Variants in EPM2A observed in about 807,000 individuals in gnomAD.
EPM2A encodes EPM2A glucan phosphatase, laforin.
A neutral mutation model predicts 26.5 loss-of-function variants in EPM2A; 21 were observed. The ratio of observed to expected loss-of-function variants is 0.79; its 90% confidence interval spans 0.56 to 1.14. The LOEUF is 1.14. Among genes scored for constraint, EPM2A ranks in the 50% most tolerant of loss-of-function variants. EPM2A has a pLI of 0.00. For synonymous variants in EPM2A, 217 were observed against 177.6 expected, an observed-to-expected ratio of 1.22 and a Z score of -1.76; for missense variants, 458 against 440.8, an observed-to-expected ratio of 1.04 and a Z score of -0.35.
chr6:145,647,455 T>C, intron 2 of EPM2A, among the ~76,000 whole-genome samples: 1 of 152,236 alleles, frequency 6.6e-6, no homozygotes, highest in Non-Finnish European at 1.5e-5. Flanking sequence ...TGTGTTCCCA[T>C]GGCATCTTAT....
At chr6:145,403,305 C>T (rs1279233822) in intron 4 of EPM2A, among the ~76,000 whole-genome samples, 4 of 151,996 alleles carry the variant, frequency 2.6e-5, no homozygotes, top group East Asian at 1.9e-4. Context: ...TATAGTCAAC[C>T]TATTGTGCTA....
chr6:145,431,300 G>T (rs1562331876), intron 4 of EPM2A, among the ~76,000 whole-genome samples: 1 of 152,166 alleles, frequency 6.6e-6, no homozygotes, highest in Non-Finnish European at 1.5e-5. Context: ...AAGAAAGGAG[G>T]ATTGCATCCT....
intron 4 of EPM2A, among the ~76,000 whole-genome samples, chr6:145,466,546 G>T (rs1223347041): frequency 3.3e-5 from 5 of 152,000 alleles, no homozygotes; most frequent in African/African-American, 1.2e-4. Context: ...CTGTTGGTGG[G>T]ACTGTAAACT....
At chr6:145,592,111 T>C (rs984569228) in intron 2 of EPM2A, among the ~76,000 whole-genome samples, 4 of 151,306 alleles carry the variant, frequency 2.6e-5, no homozygotes, top group Admixed American at 6.6e-5. Flanking sequence ...GCTGCACCCG[T>C]TAACTCGTCA....
At chr6:145,591,034 C>A (rs9485008) in intron 2 of EPM2A, among the ~76,000 whole-genome samples, 4,825 of 151,902 alleles carry the variant, frequency 0.032, 86 homozygotes, top group African/African-American at 0.056. Flanking sequence ...GAGATAAGAA[C>A]TCTATGAAAA....
downstream of EPM2A, among the ~76,000 whole-genome samples, chr6:145,624,497 T>A (rs1775705335): frequency 6.6e-6 from 1 of 152,212 alleles, no homozygotes; most frequent in South Asian, 2.1e-4. Flanking sequence ...AATATCACAA[T>A]AAATCTCCGA....
intron 4 of EPM2A, among the ~76,000 whole-genome samples, chr6:145,456,396 A>C (rs9497310): frequency 0.051 from 7,735 of 152,258 alleles, 666 homozygotes; most frequent in African/African-American, 0.17. Flanking sequence ...CTACAGTTGA[A>C]GCATTTGCAC....
rs544796714 is a variant in EPM2A, at chr6:145,715,066, G to A, written c.301+20132C>T. ...CAGTTCTAAAATGATCACAAACAGG[G>A]AGGCTCACTGAGCACTTTGGTAGCA... On this transcript the variant is annotated intron_variant, in intron 1 of 3. Transcript: ENST00000367519. 8.5e-5 allele frequency among the ~76,000 whole-genome samples: 13 copies of A among 152,204 alleles called. No homozygotes were observed. In the South Asian group the frequency reaches 2.3e-3, roughly 27 times the overall value.
chr6:145,568,626 A>G (rs1780916274), intron 2 of EPM2A, among the ~76,000 whole-genome samples: 1 of 152,108 alleles, frequency 6.6e-6, no homozygotes, highest in South Asian at 2.1e-4. Flanking sequence ...CCCGGCCTGG[A>G]ATATGTGACT....
intron 2 of EPM2A, among the ~76,000 whole-genome samples, chr6:145,509,948 A>T (rs1011910254): frequency 6.6e-5 from 10 of 152,154 alleles, no homozygotes; most frequent in Non-Finnish European, 1.5e-4. Flanking sequence ...TGCATCATAT[A>T]AAATATACTT....
intron 4 of EPM2A, among the ~76,000 whole-genome samples, chr6:145,389,690 C>T (rs187027452): frequency 1.6e-3 from 251 of 152,252 alleles, no homozygotes; most frequent in Admixed American, 2.9e-3. Context: ...TATTTCTCAA[C>T]CTTATTCTGT....
Position 145,555,520 on chromosome 6 carries a change from T to C in EPM2A, c.341-52945A>G, listed in dbSNP as rs114915013. Among the ~76,000 whole-genome samples, 1,171 of 152,214 alleles carry C rather than the reference T, an allele frequency of 7.7e-3. 16 individuals carry two copies. Among genetic ancestry groups the C allele is most frequent in the African/African-American group, 0.027 (1,115 of 41,554 alleles). On this transcript the variant is annotated intron_variant, in intron 2 of 3. Transcript: ENST00000450221. The stretch of plus-strand genomic sequence containing the variant: ...TAAAATTAAGCTACTTGCAAAGCTA[T>C]CAGTGTGGATTAAAATGAAACTCTA...
chr6:145,413,346 T>C (rs1047377762), intron 4 of EPM2A, among the ~76,000 whole-genome samples: 2 of 152,222 alleles, frequency 1.3e-5, no homozygotes, highest in Non-Finnish European at 2.9e-5. Context: ...TAAAGGTTTA[T>C]GACAACTTTA....
intron 2 of EPM2A, among the ~76,000 whole-genome samples, chr6:145,671,783 A>C (rs1338052919): frequency 6.6e-6 from 1 of 152,216 alleles, no homozygotes; most frequent in Non-Finnish European, 1.5e-5. Context: ...TTTGAGTTTC[A>C]AAATTTACTG....
chr6:145,614,790 C>T (rs1278615453), intron 2 of EPM2A, among the ~76,000 whole-genome samples: 1 of 152,166 alleles, frequency 6.6e-6, no homozygotes, highest in African/African-American at 2.4e-5. Flanking sequence ...TCAAACATCA[C>T]AGATCACAAA....
chr6:145,420,997 C>T (rs1241778858), intron 4 of EPM2A, among the ~76,000 whole-genome samples: 2 of 152,150 alleles, frequency 1.3e-5, no homozygotes, highest in African/African-American at 4.8e-5. Context: ...AAAGATCCCA[C>T]CTCTCAGCAC....
chr6:145,674,283 A>C (rs2128602528), intron 2 of EPM2A, among the ~76,000 whole-genome samples: 1 of 152,218 alleles, frequency 6.6e-6, no homozygotes, highest in African/African-American at 2.4e-5. Flanking sequence ...ACCAAACCCC[A>C]CCTGTAGGTC....
At position 145,735,501 on chromosome 6, in the gene EPM2A, C is replaced by A. The variant is rs1057522567; in HGVS notation, c.-3G>T. Reference sequence around the variant, plus strand: ...ACCACCCCAAAGCGGAAGCGCATGGCGGGCGGCGGCGGCGCGAATACCCGG... The same window carrying A: ...ACCACCCCAAAGCGGAAGCGCATGGAGGGCGGCGGCGGCGCGAATACCCGG... On this transcript the variant is annotated 5_prime_UTR_variant, in exon 1 of 4. Coordinates refer to ENST00000367519, the MANE Select transcript of EPM2A (RefSeq NM_005670.4). 2 of 1,185,596 alleles carry A rather than the reference C, an allele frequency of 1.7e-6. No individual in the cohort carries two copies. The highest frequency in any genetic ancestry group is 2.1e-6 in the Non-Finnish European group (2 of 958,364). The allele number at this position is 1,185,596 out of a possible 1,614,324, so 73.4% of individuals were successfully genotyped here.
intron 2 of EPM2A, among the ~76,000 whole-genome samples, chr6:145,531,807 C>T (rs1462769539): frequency 6.6e-6 from 1 of 152,222 alleles, no homozygotes; most frequent in Non-Finnish European, 1.5e-5. Context: ...ACTCCAGACA[C>T]AGACACCATT....
Sources: allele counts gnomAD v4.1 joint callset (sites outside exome capture counted in the v4.1 genomes callset), GRCh38; gene constraint gnomAD v4.1.1; transcripts MANE v1.5; gene names NCBI Gene and HGNC (gene_info 2026-07-23, HGNC 2026-07-21).